C20orf173: variants seen among roughly 807,000 people sequenced by gnomAD.
The protein encoded by C20orf173 is chromosome 20 open reading frame 173, also known as uncharacterized protein C20orf173.
C20orf173 carries 22 observed loss-of-function variants against 26.7 expected under a neutral mutation model. That is an observed-to-expected ratio of 0.82 (90% CI 0.59 to 1.18). The LOEUF (loss-of-function observed/expected upper bound fraction) is 1.18, where lower values mean the gene tolerates loss of function less well. C20orf173 is among the 50% of genes most tolerant of loss of function. The probability of loss-of-function intolerance (pLI) is 0.00; values close to 1 mark genes in which losing one functional copy is unlikely to be tolerated. For synonymous variants in C20orf173, 85 were observed against 96.4 expected (o/e 0.88, Z 0.69); for missense variants, 210 against 250.3 (o/e 0.84, Z 1.09).
At chr20:35,528,951 C>T in intron 2 of C20orf173, 72 bp from the exon 3 acceptor site, 1 of 1,543,180 alleles carries the variant, frequency 6.5e-7, no homozygotes, top group Non-Finnish European at 8.8e-7. Context: ...GGTGAGATCT[C>T]CATCCAGAGG....
chr20:35,523,784 A>G (rs571263879), downstream of C20orf173, among the ~76,000 whole-genome samples: 1 of 152,284 alleles, frequency 6.6e-6, no homozygotes, highest in East Asian at 1.9e-4. Flanking sequence ...GGTTGTATCC[A>G]GGCTGGGGTG....
chr20:35,529,170 G>A lies in C20orf173; in HGVS notation c.204C>T (p.His68=), dbSNP rs764595772. ...SETLNCSSCH[H]TADEWNWLDA... ...CAAGCCAGTTCCATTCGTCGGCTGT[G>A]TGGTGGCAGGAGGAGCAGTTGAGGG... The change falls in exon 2 of 6, where the codon CAC becomes CAT. Residue 68 remains histidine (H), a synonymous_variant. Transcript: ENST00000444723. 2 of 1,551,598 alleles carry A rather than the reference G, an allele frequency of 1.3e-6. No homozygotes were observed. Among genetic ancestry groups the A allele is most frequent in the East Asian group, 2.4e-5 (1 of 40,936 alleles).
intron 5 of C20orf173, 64 bp downstream of exon 5, chr20:35,528,169 G>A: frequency 7.0e-7 from 1 of 1,430,356 alleles, no homozygotes; most frequent in Non-Finnish European, 9.6e-7. Context: ...GGAGGGAACT[G>A]ACCTGGGGCC....
downstream of C20orf173, chr20:35,520,940 TC>T (rs1601342318): frequency 6.6e-6 from 1 of 152,246 alleles, no homozygotes; most frequent in East Asian, 1.9e-4. Context: ...CACCACAAGG[TC>T]CCCTTGGCTA....
rs1219112588 is a variant in C20orf173, at chr20:35,528,487, A to G, written c.546T>C (p.Ser182=). The G allele has an allele frequency of 6.4e-7, 1 of 1,551,630 alleles. No homozygotes were observed. The highest frequency in any genetic ancestry group is 1.4e-5 in the African/African-American group (1 of 73,056). ...GAGCATCTGAAGTCCACACCAGGTCAGAGAGCTTCCGCAGTAGCATCTCCA... is the reference window on the plus strand; with the variant it reads ...GAGCATCTGAAGTCCACACCAGGTCGGAGAGCTTCCGCAGTAGCATCTCCA... ...MQLEMLLRKL[S]DLVWTSDALS... is the part of the protein sequence containing the mutation. The change falls in exon 4 of 6, where the codon TCT becomes TCC. Residue 182 remains serine, a synonymous_variant. Transcript: ENST00000444723.
chr20:35,521,275 T>C (rs2064473541), downstream of C20orf173: 1 of 152,696 alleles, frequency 6.5e-6, no homozygotes, highest in African/African-American at 2.4e-5. Context: ...CTCTTGGAGC[T>C]GGGAGGAGAA....
At position 35,528,357 on chromosome 20, in the gene C20orf173, C is replaced by T. The variant is rs556944639; in HGVS notation, c.583-73G>A. On this transcript the variant is annotated intron_variant, in intron 4 of 5. Coordinates refer to ENST00000444723, the MANE Select transcript of C20orf173 (RefSeq NM_001145350.2). Reference sequence around the variant, plus strand: ...AAGTCCTGCAAGTGTCCCCAGTAAGCCAATAGAAGGTCTTCCCAGAGCCCC... The same window carrying T: ...AAGTCCTGCAAGTGTCCCCAGTAAGTCAATAGAAGGTCTTCCCAGAGCCCC... 125 of 1,548,108 alleles carry T rather than the reference C, an allele frequency of 8.1e-5. No individual in the cohort carries two copies. The East Asian group carries it at 2.8e-3, about 35-fold the overall frequency.
Position 35,529,599 on chromosome 20 carries a change from C to T in C20orf173, c.-92G>A. ...TGACTGGGCATGGGGTGGAAGAGGC[C>T]AGGGCAGAGAGACAGCATGTGGCTA... On this transcript the variant is annotated 5_prime_UTR_variant, in exon 1 of 6. Coordinates refer to ENST00000444723, the MANE Select transcript of C20orf173 (RefSeq NM_001145350.2). The T allele has an allele frequency of 1.8e-6, 1 of 565,588 alleles. No homozygotes were observed. 35.0% of individuals were successfully genotyped at this position (565,588 alleles called of 1,614,324 possible).
At chr20:35,523,337 G>A (rs1254740822), downstream of C20orf173, 1 of 152,186 alleles carries the variant, frequency 6.6e-6, no homozygotes, top group East Asian at 1.9e-4. Flanking sequence ...CCCTGATGAT[G>A]GTGCCCCTGG....
In C20orf173 at chr20:35,528,783, T is replaced by A; in HGVS notation, c.406A>T (p.Thr136Ser). Residue 136 changes from threonine (T) to serine (S), a missense_variant, in exon 3 of 6, where the codon ACT becomes TCT. Physicochemically the swap from Thr to Ser is moderately conservative, Grantham distance 58 (BLOSUM62 1). Transcript: ENST00000444723. ...SVSHFDFYCG[T>S]CVLLGRPQIP... ...TGTGGGCGCCCCAACAGCACACAAG[T>A]CCCACAATAGAAATCAAAATGGCTC... 1.3e-6 allele frequency: 2 copies of A among 1,550,544 alleles called. No homozygotes were observed. The highest frequency in any genetic ancestry group is 1.7e-6 in the Non-Finnish European group (2 of 1,146,678).
At chr20:35,522,723 T>C (rs1022340795), downstream of C20orf173, 2 of 152,920 alleles carry the variant, frequency 1.3e-5, no homozygotes, top group Admixed American at 6.5e-5. Flanking sequence ...CAGAGCTCCA[T>C]AGAGACCTTG....
At position 35,528,439 on chromosome 20, in the gene C20orf173, C is replaced by T; in HGVS notation, c.582+12G>A. On this transcript the variant is annotated intron_variant, in intron 4 of 5. Transcript: ENST00000444723. ...CCCCCACACAGAGAATGTCTGGGGA[C>T]ACCTCCATCACCTTATCACTTAGAG... 1 of 1,551,244 alleles carries T rather than the reference C, an allele frequency of 6.4e-7. No individual in the cohort carries two copies. The highest frequency in any genetic ancestry group is 8.7e-7 in the Non-Finnish European group (1 of 1,146,544).
chr20:35,522,521 T>C (rs1025916442), downstream of C20orf173: 1 of 152,748 alleles, frequency 6.5e-6, no homozygotes, highest in East Asian at 1.9e-4. Context: ...AATCCCAGGG[T>C]ACATAACGCG....
At chr20:35,524,231 G>T (rs1400512167), downstream of C20orf173, among the ~76,000 whole-genome samples, 2 of 151,742 alleles carry the variant, frequency 1.3e-5, no homozygotes, top group Admixed American at 1.3e-4. Flanking sequence ...ATGTTGGCCA[G>T]GCTGGTCTCA....
downstream of C20orf173, among the ~76,000 whole-genome samples, chr20:35,526,372 T>C (rs1371521158): frequency 6.6e-6 from 1 of 152,166 alleles, no homozygotes; most frequent in Non-Finnish European, 1.5e-5. Context: ...ACACCTGTAA[T>C]CCCAGCACTT....
chr20:35,528,798 C>T lies in C20orf173; in HGVS notation c.391G>A (p.Asp131Asn). ...GIPRLSVSHF[D>N]FYCGTCVLLG... The stretch of plus-strand genomic sequence containing the variant: ...AGCACACAAGTCCCACAATAGAAAT[C>T]AAAATGGCTCACCGAGAGCCTGGGA... The change falls in exon 3 of 6, where the codon GAT (aspartate) becomes AAT (asparagine). Residue 131 changes from aspartate (D) to asparagine (N), a missense_variant. By Grantham distance (23) the Asp-to-Asn change is conservative. Transcript: ENST00000444723. 1 of 1,551,120 alleles carries T rather than the reference C, an allele frequency of 6.4e-7. No individual in the cohort carries two copies. The highest frequency in any genetic ancestry group is 8.7e-7 in the Non-Finnish European group (1 of 1,146,828).
At chr20:35,527,995 A>C (rs1056606428) in intron 5 of C20orf173, among the ~76,000 whole-genome samples, 1 of 152,204 alleles carries the variant, frequency 6.6e-6, no homozygotes, top group Non-Finnish European at 1.5e-5. Context: ...TTTAGACTCC[A>C]TGCTGAAGGC....
At position 35,528,535 on chromosome 20, in the gene C20orf173, G is replaced by A. The variant is rs540047105; in HGVS notation, c.498C>T (p.Ser166=). The change falls in exon 4 of 6, where the codon AGC becomes AGT. Residue 166 remains serine, a synonymous_variant. Transcript: ENST00000444723. ...CCAGCTGCATCCAGGAGCCCTGGTC[G>A]CTGGCATTCCTGGGATAGATGAAGC... ...DQYPVVFRNA[S]DQGSWMQLEM... The A allele has an allele frequency of 2.1e-5, 33 of 1,551,660 alleles. No individual in the cohort carries two copies. The highest frequency in any genetic ancestry group is 1.2e-4 in the East Asian group (5 of 40,918).
downstream of C20orf173, among the ~76,000 whole-genome samples, chr20:35,524,262 C>G (rs2064491000): frequency 6.6e-6 from 1 of 152,010 alleles, no homozygotes; most frequent in Admixed American, 6.6e-5. Context: ...CTCAAGTGAT[C>G]TGCCTGCCTC....
Sources: allele counts gnomAD v4.1 joint callset (sites outside exome capture counted in the v4.1 genomes callset), GRCh38; gene constraint gnomAD v4.1.1; transcripts MANE v1.5; gene names NCBI Gene and HGNC (gene_info 2026-07-23, HGNC 2026-07-21).